The following PCCA variants were observed in gnomAD, a reference collection of about 807,000 sequenced individuals.
PCCA encodes the protein propionyl-CoA carboxylase alpha chain, mitochondrial.
A neutral mutation model predicts 101.3 loss-of-function variants in PCCA; 74 were observed. The observed-to-expected ratio is 0.73, with a 90% confidence interval of 0.61 to 0.89. The LOEUF (loss-of-function observed/expected upper bound fraction) is 0.89. Ranked by LOEUF, PCCA falls within the 40% of genes least tolerant of loss-of-function variation. The pLI is 0.00. For synonymous variants in PCCA, 294 were observed against 313.6 expected (o/e 0.94, Z 0.66); for missense variants, 891 against 907.0 (o/e 0.98, Z 0.23).
Position 100,515,368 on chromosome 13 carries a change from A to G in PCCA, c.1900-59A>G, listed in dbSNP as rs1221413498. ...TAAAAATTGATTTAGAATGAATGCT[A>G]CTTTTGAGGAAAATTTCATTTAAAC... On this transcript the variant is annotated intron_variant, in intron 21 of 23. Coordinates refer to ENST00000376285, the MANE Select transcript of PCCA (RefSeq NM_000282.4). 4 of 1,497,274 alleles carry G rather than the reference A, an allele frequency of 2.7e-6. No individual in the cohort carries two copies. In the South Asian group the frequency reaches 4.6e-5, roughly 17 times the overall value. The allele number at this position is 1,497,274 out of a possible 1,614,324, so 92.7% of individuals were successfully genotyped here.
intron 21 of PCCA, among the ~76,000 whole-genome samples, chr13:100,458,532 G>A (rs2081962417): frequency 6.6e-6 from 1 of 151,318 alleles, no homozygotes. Flanking sequence ...GTACTCAGAA[G>A]GCTAAGGAGT....
At chr13:100,511,913 T>C (rs2086511673) in intron 21 of PCCA, among the ~76,000 whole-genome samples, 1 of 152,134 alleles carries the variant, frequency 6.6e-6, no homozygotes, top group Non-Finnish European at 1.5e-5. Flanking sequence ...GCCTCCAGGG[T>C]GGTATTCTGT....
chr13:100,155,980 A>G (rs1163648182), intron 5 of PCCA, among the ~76,000 whole-genome samples: 1 of 152,244 alleles, frequency 6.6e-6, no homozygotes, highest in Non-Finnish European at 1.5e-5. Flanking sequence ...TGTTGATAAA[A>G]TGAAGTTGGT....
chr13:100,253,544 C>G (rs1397221046), intron 8 of PCCA, among the ~76,000 whole-genome samples: 2 of 152,244 alleles, frequency 1.3e-5, no homozygotes, highest in Non-Finnish European at 2.9e-5. Flanking sequence ...CTGTCCTGCA[C>G]TTAAACCTGC....
chr13:100,323,791 TA>T (rs1210330087), intron 16 of PCCA, among the ~76,000 whole-genome samples: 4 of 152,222 alleles, frequency 2.6e-5, no homozygotes, highest in Non-Finnish European at 5.9e-5. Context: ...AGCATTGCAT[TA>T]AGCATTATAT....
At chr13:100,157,666 G>A (rs1463600599) in intron 6 of PCCA, among the ~76,000 whole-genome samples, 3 of 152,158 alleles carry the variant, frequency 2.0e-5, no homozygotes, top group Admixed American at 6.6e-5. Flanking sequence ...AGTTATTGTA[G>A]TGATTTAATT....
At chr13:100,198,002 GT>G (rs2058224571) in intron 6 of PCCA, among the ~76,000 whole-genome samples, 1 of 152,334 alleles carries the variant, frequency 6.6e-6, no homozygotes, top group African/African-American at 2.4e-5. Flanking sequence ...TAAGAAATCT[GT>G]TTGCAGGTGT....
chr13:100,415,239 CAAAAAAAAA>C (rs11308074), intron 19 of PCCA, among the ~76,000 whole-genome samples: 5 of 123,138 alleles, frequency 4.1e-5, no homozygotes, highest in Non-Finnish European at 6.8e-5. Flanking sequence ...CACACCTCTA[CAAAAAAAAA>C]AAAAAAAAAT....
chr13:100,146,722 A>C (rs1329435231), intron 4 of PCCA, among the ~76,000 whole-genome samples: 2 of 152,118 alleles, frequency 1.3e-5, no homozygotes, highest in Non-Finnish European at 2.9e-5. Context: ...TAGAAAGATA[A>C]ATCATGTTCA....
At chr13:100,116,348 T>G (rs1216350337) in intron 4 of PCCA, among the ~76,000 whole-genome samples, 1 of 152,192 alleles carries the variant, frequency 6.6e-6, no homozygotes. Context: ...CATTGTCTAT[T>G]ATAAACAACT....
chr13:100,468,919 A>C (rs1030124021), intron 21 of PCCA, among the ~76,000 whole-genome samples: 4 of 152,084 alleles, frequency 2.6e-5, no homozygotes, highest in African/African-American at 7.2e-5. Context: ...GAACAAAGAA[A>C]CAATCCCTTT....
At chr13:100,289,435 T>C (rs1443196508) in intron 12 of PCCA, among the ~76,000 whole-genome samples, 1 of 152,166 alleles carries the variant, frequency 6.6e-6, no homozygotes, top group Non-Finnish European at 1.5e-5. Context: ...AGGAGTAAGC[T>C]GCTGGCGCCT....
intron 23 of PCCA, among the ~76,000 whole-genome samples, chr13:100,528,225 G>GA (rs1320631902): frequency 1.3e-5 from 2 of 152,088 alleles, no homozygotes; most frequent in African/African-American, 4.8e-5. Flanking sequence ...TATTTAGGGA[G>GA]AAAAAAATAT....
chr13:100,529,764 C>T (rs953618277), intron 23 of PCCA, among the ~76,000 whole-genome samples: 1 of 151,994 alleles, frequency 6.6e-6, no homozygotes, highest in Admixed American at 6.5e-5. Flanking sequence ...TTAGAACTCA[C>T]CTGGCAGTGA....
chr13:100,122,807 T>C (rs1303655546), intron 4 of PCCA, among the ~76,000 whole-genome samples: 3 of 152,156 alleles, frequency 2.0e-5, no homozygotes, highest in Non-Finnish European at 4.4e-5. Flanking sequence ...TAAGTCAAGA[T>C]TGAGGCACTG....
chr13:100,191,051 C>T (rs1467055334), intron 6 of PCCA, among the ~76,000 whole-genome samples: 1 of 151,798 alleles, frequency 6.6e-6, no homozygotes, highest in Non-Finnish European at 1.5e-5. Context: ...GATCACACTA[C>T]TGCACTCTAG....
intron 6 of PCCA, among the ~76,000 whole-genome samples, chr13:100,197,056 C>T (rs1287341506): frequency 6.6e-6 from 1 of 152,196 alleles, no homozygotes; most frequent in African/African-American, 2.4e-5. Flanking sequence ...AATGTGTTGT[C>T]ACCATTGCAC....
chr13:100,181,762 CTTTTTTTCT>C (rs774883741), intron 6 of PCCA, among the ~76,000 whole-genome samples: 22 of 113,984 alleles, frequency 1.9e-4, no homozygotes, highest in African/African-American at 5.6e-4. Context: ...TTTTCTTTTT[CTTTTTTTCT>C]TTTTTTTTTT....
rs142889011 is a variant in PCCA at position 100,466,859 on chromosome 13, AAAAAC to A, written c.1899+17573_1899+17577del. ...GGCGATAGAGGGACAGTCCGTCTCA[AAAAAC>A]AAAACAAAACAAAACAAACACAGTT... On this transcript the variant is annotated intron_variant, in intron 21 of 23. Transcript: ENST00000376285. Among the ~76,000 whole-genome samples the A allele has an allele frequency of 2.0e-3, 311 of 151,900 alleles. 4 individuals are homozygous for A. Among genetic ancestry groups the A allele is most frequent in the African/African-American group, 6.7e-3 (278 of 41,280 alleles).
Sources: gnomAD v4.1 joint callset for allele counts (sites outside exome capture counted in the v4.1 genomes callset) on GRCh38, gnomAD v4.1.1 for gene constraint, MANE v1.5 for transcripts, NCBI Gene and HGNC (gene_info 2026-07-23, HGNC 2026-07-21) for gene names.